CUX1: variants seen among roughly 807,000 people sequenced by gnomAD.
CUX1 encodes the protein cut like homeobox 1.
Under a neutral mutation model 158.8 loss-of-function variants are expected in CUX1, and 31 were observed. That is an observed-to-expected ratio of 0.20 (90% confidence interval 0.15 to 0.26). CUX1 has a LOEUF of 0.26. CUX1 is among the 10% of genes least tolerant of loss of function. The pLI is 1.00. For missense variants in CUX1, 1,589 were observed against 2,014.6 expected (o/e 0.79, Z 4.04); for synonymous variants, 879 against 862.1 (o/e 1.02, Z -0.34).
At chr7:101,890,869 A>G (rs929909607) in intron 1 of CUX1, among the ~76,000 whole-genome samples, 6 of 151,558 alleles carry the variant, frequency 4.0e-5, no homozygotes, top group Admixed American at 6.6e-5. Context: ...GACCTTTTTT[A>G]TTTCTGAAGT....
At chr7:101,876,695 A>G (rs1799176769) in intron 1 of CUX1, among the ~76,000 whole-genome samples, 1 of 152,090 alleles carries the variant, frequency 6.6e-6, no homozygotes, top group African/African-American at 2.4e-5. Context: ...CTCCGTCTAA[A>G]AAAAAAAAGA....
At chr7:101,966,036 T>C (rs573942944) in intron 2 of CUX1, among the ~76,000 whole-genome samples, 1 of 152,190 alleles carries the variant, frequency 6.6e-6, no homozygotes, top group African/African-American at 2.4e-5. Flanking sequence ...TGAGGCGTTA[T>C]TGCTATTATT....
At chr7:102,264,524 C>T (rs79419069) in intron 14 of CUX1, among the ~76,000 whole-genome samples, 4,978 of 152,186 alleles carry the variant, frequency 0.033, 295 homozygotes, top group African/African-American at 0.11. Context: ...GGGGCCTTGT[C>T]GGCTATTGCT....
chr7:101,939,923 A>C lies in CUX1; in HGVS notation c.141+23698A>C, dbSNP rs534734810. Among the ~76,000 whole-genome samples the C allele has an allele frequency of 2.6e-5, 4 of 152,252 alleles. No individual in the cohort carries two copies. The South Asian group carries it at 6.2e-4, about 24-fold the overall frequency. ...TGGTGAAACCCCATCTCTACTAAAA[A>C]GACAAAAATTAGCCAGGCATGGTAG... On this transcript the variant is annotated intron_variant, in intron 2 of 23. Coordinates refer to ENST00000292535, the MANE Select transcript of CUX1 (RefSeq NM_181552.4).
chr7:102,058,642 G>A (rs1177555050), intron 3 of CUX1, among the ~76,000 whole-genome samples: 12 of 152,090 alleles, frequency 7.9e-5, no homozygotes, highest in Non-Finnish European at 1.0e-4. Flanking sequence ...AGGTATACCC[G>A]TATATTGATC....
At chr7:102,231,364 A>G (rs1798970754) in intron 21 of CUX1, among the ~76,000 whole-genome samples, 1 of 150,930 alleles carries the variant, frequency 6.6e-6, no homozygotes, top group African/African-American at 2.4e-5. Context: ...GGGTTTCACC[A>G]TATTGCCCAG....
At chr7:101,823,129 T>A (rs774102785) in intron 1 of CUX1, among the ~76,000 whole-genome samples, 19 of 152,244 alleles carry the variant, frequency 1.2e-4, no homozygotes, top group Non-Finnish European at 2.2e-4. Context: ...AATTTTGTGT[T>A]GATTAGAGCC....
At chr7:102,067,639 AT>A (rs1381597357) in intron 3 of CUX1, among the ~76,000 whole-genome samples, 5 of 151,392 alleles carry the variant, frequency 3.3e-5, no homozygotes, top group African/African-American at 7.3e-5. Flanking sequence ...ATACTTTTAA[AT>A]TTTTTTTCTA....
intron 21 of CUX1, among the ~76,000 whole-genome samples, chr7:102,228,106 A>T (rs539951416): frequency 6.6e-4 from 99 of 150,374 alleles, no homozygotes; most frequent in Non-Finnish European, 5.6e-4. Context: ...ACCTGCCACC[A>T]CTCCTGGCTA....
In CUX1 at chr7:101,861,862, T is replaced by C. The variant is rs568345807; in HGVS notation, c.30+44193T>C. 2.0e-5 allele frequency among the ~76,000 whole-genome samples: 3 copies of C among 149,990 alleles called. No homozygotes were observed. In the East Asian group the frequency reaches 5.9e-4, roughly 30 times the overall value. ...TTACTGCAACCTCCACCTCCCGGAG[T>C]CTCCCTCTGTGGCCCAGGCTGGAGT... On this transcript the variant is annotated intron_variant, in intron 1 of 23. Coordinates refer to ENST00000292535, the MANE Select transcript of CUX1 (RefSeq NM_181552.4).
At position 101,871,537 on chromosome 7, in the gene CUX1, G is replaced by A. The variant is rs573367761; in HGVS notation, c.31-44578G>A. On this transcript the variant is annotated intron_variant, in intron 1 of 23. Transcript: ENST00000292535. ...GCATCTTAGAGGCGACCTTGGGCAC[G>A]TGCACAGTGAGACAGGTACAGGAGT... 1.5e-3 allele frequency among the ~76,000 whole-genome samples: 234 copies of A among 152,202 alleles called. 1 individual carries two copies. Among genetic ancestry groups the A allele is most frequent in the Admixed American group, 3.2e-3 (49 of 15,262 alleles).
chr7:101,907,762 A>G (rs1802925113), intron 1 of CUX1, among the ~76,000 whole-genome samples: 1 of 151,674 alleles, frequency 6.6e-6, no homozygotes, highest in South Asian at 2.1e-4. Flanking sequence ...AGATGTCCTA[A>G]GACCTTGTCA....
chr7:102,236,439 GTTTTGTT>G lies in CUX1; in HGVS notation c.3622+2218_3622+2224del, dbSNP rs571382011. 8.3e-3 allele frequency among the ~76,000 whole-genome samples: 1,267 copies of G among 152,268 alleles called. 9 individuals carry two copies. Among genetic ancestry groups the G allele is most frequent in the Non-Finnish European group, 0.013 (911 of 68,028 alleles). ...CCTAAAAGTTTTCAACTTATTTTTC[GTTTTGTT>G]TTTTGTTTTTTGTTTTTTAAAGTCT... On this transcript the variant is annotated intron_variant, in intron 22 of 23. Transcript: ENST00000292535.
At chr7:101,969,912 T>G (rs542315330) in intron 2 of CUX1, among the ~76,000 whole-genome samples, 1 of 149,954 alleles carries the variant, frequency 6.7e-6, no homozygotes, top group Non-Finnish European at 1.5e-5. Flanking sequence ...CGTATCAGGA[T>G]TCCACGGTCC....
At chr7:102,222,463 G>A (rs1275295292) in intron 20 of CUX1, among the ~76,000 whole-genome samples, 5 of 152,022 alleles carry the variant, frequency 3.3e-5, no homozygotes, top group Non-Finnish European at 1.5e-5. Context: ...TCTCACCTGG[G>A]ATGTAGGGTG....
chr7:102,015,123 T>G (rs1818434696), intron 2 of CUX1, among the ~76,000 whole-genome samples: 1 of 152,156 alleles, frequency 6.6e-6, no homozygotes, highest in African/African-American at 2.4e-5. Flanking sequence ...GCTGCTTAAT[T>G]TTAGGTAAAC....
chr7:101,974,577 ATAATC>A (rs1812405939), intron 2 of CUX1, among the ~76,000 whole-genome samples: 1 of 152,188 alleles, frequency 6.6e-6, no homozygotes, highest in South Asian at 2.1e-4. Context: ...ATCTAATTCT[ATAATC>A]TAAATATAGA....
At chr7:102,076,098 A>G (rs782593757) in intron 4 of CUX1, among the ~76,000 whole-genome samples, 3 of 151,846 alleles carry the variant, frequency 2.0e-5, no homozygotes, top group Non-Finnish European at 2.9e-5. Flanking sequence ...TTAAAGACAC[A>G]AAGGCCAGGC....
Position 102,251,121 on chromosome 7 carries a change from T to C in CUX1, c.*2079T>C, listed in dbSNP as rs1345051007. 6.1e-6 allele frequency: 6 copies of C among 985,288 alleles called. No individual in the cohort carries two copies. Among genetic ancestry groups the C allele is most frequent in the South Asian group, 9.4e-5 (2 of 21,292 alleles). 61.0% of individuals were successfully genotyped at this position (985,288 alleles called of 1,614,324 possible). On this transcript the variant is annotated 3_prime_UTR_variant, in exon 24 of 24. Coordinates refer to ENST00000292535, the MANE Select transcript of CUX1 (RefSeq NM_181552.4). ...TAGTTGTCATACTGTATATTACTGA[T>C]TGAAAACTTTTTGACCGTATTGTGT... is the stretch of plus-strand genomic sequence containing the variant.
Sources: gnomAD v4.1 joint callset for allele counts (sites outside exome capture counted in the v4.1 genomes callset) on GRCh38, gnomAD v4.1.1 for gene constraint, MANE v1.5 for transcripts, NCBI Gene and HGNC (gene_info 2026-07-23, HGNC 2026-07-21) for gene names.